The following PTBP3 variants were observed in gnomAD, a reference collection of about 807,000 sequenced individuals.
The protein encoded by PTBP3 is polypyrimidine tract-binding protein 3.
In PTBP3, 20 loss-of-function variants were observed where a neutral mutation model predicts 58.7. The ratio of observed to expected loss-of-function variants is 0.34; its 90% CI spans 0.24 to 0.50. The LOEUF (loss-of-function observed/expected upper bound fraction) is 0.50, where lower values mean the gene tolerates loss of function less well. Among genes scored for constraint, PTBP3 ranks in the 20% least tolerant of loss-of-function variants. PTBP3 has a pLI of 0.98. For missense variants in PTBP3, 509 were observed against 637.2 expected (o/e 0.80, Z 2.17); for synonymous variants, 185 against 219.8 (o/e 0.84, Z 1.40).
the PTBP3 span, among the ~76,000 whole-genome samples, chr9:112,363,560 A>ACACAC: frequency 7.3e-5 from 7 of 95,816 alleles, no homozygotes; most frequent in South Asian, 4.6e-4. Context: ...ACACACACAC[A>ACACAC]AAGGCTATTC....
chr9:112,256,885 T>C (rs1836390982), intron 5 of PTBP3, among the ~76,000 whole-genome samples: 1 of 151,892 alleles, frequency 6.6e-6, no homozygotes, highest in African/African-American at 2.4e-5. Context: ...AAAAAAATAC[T>C]TATTTTCACC....
intron 1 of PTBP3, among the ~76,000 whole-genome samples, chr9:112,313,069 CA>C (rs1391264551): frequency 6.6e-6 from 1 of 151,900 alleles, no homozygotes; most frequent in Non-Finnish European, 1.5e-5. Context: ...AAAGGAAAAT[CA>C]AAGTACATAT....
the PTBP3 span, among the ~76,000 whole-genome samples, chr9:112,352,484 G>A: frequency 6.6e-6 from 1 of 152,270 alleles, no homozygotes; most frequent in South Asian, 2.1e-4. Context: ...TCATGGGTCA[G>A]CAAACTGAGT....
At chr9:112,242,627 T>G (rs1186639868) in intron 7 of PTBP3, 1 of 152,216 alleles carries the variant, frequency 6.6e-6, no homozygotes, top group African/African-American at 2.4e-5. Flanking sequence ...CTGATCTACA[T>G]GGGAGTTTTG....
rs1437223576 is a variant in PTBP3, at chr9:112,272,254, A to G, written c.204+3590T>C. On this transcript the variant is annotated intron_variant, in intron 3 of 13. Coordinates refer to ENST00000374257, the MANE Select transcript of PTBP3 (RefSeq NM_001163788.4). ...ATTTTTTACAATTTTTGTAGCAATG[A>G]GGTCTCACTATACTGCCCAGGCTGG... Among the ~76,000 whole-genome samples, 4 of 151,930 alleles carry G rather than the reference A, an allele frequency of 2.6e-5. No individual in the cohort carries two copies. The East Asian group carries it at 7.7e-4, about 29-fold the overall frequency.
chr9:112,356,579 A>G, the PTBP3 span, among the ~76,000 whole-genome samples: 1 of 23,830 alleles, frequency 4.2e-5, no homozygotes, highest in South Asian at 2.3e-3. Flanking sequence ...AAAGCAACAG[A>G]GCAAAAAAAA....
chr9:112,371,646 ATTTT>A, the PTBP3 span, among the ~76,000 whole-genome samples: 157 of 127,544 alleles, frequency 1.2e-3, no homozygotes, highest in Middle Eastern at 8.5e-3. Context: ...TTTTTAGTAG[ATTTT>A]TTTTTTTTTT....
At chr9:112,319,059 G>A (rs1182364908) in intron 1 of PTBP3, among the ~76,000 whole-genome samples, 5 of 150,414 alleles carry the variant, frequency 3.3e-5, no homozygotes, top group East Asian at 1.9e-4. Flanking sequence ...CCTGGGAGGC[G>A]GAGGTTGCAG....
the PTBP3 span, among the ~76,000 whole-genome samples, chr9:112,367,009 G>T: frequency 1.3e-5 from 2 of 152,282 alleles, no homozygotes; most frequent in South Asian, 2.1e-4. Flanking sequence ...GGAGCTTTAA[G>T]ATTTGACTGC....
chr9:112,329,102 A>T (rs538939410), intron 1 of PTBP3, among the ~76,000 whole-genome samples: 22 of 152,298 alleles, frequency 1.4e-4, no homozygotes, highest in African/African-American at 5.3e-4. Context: ...CTGTTTACTT[A>T]ATTTATATTT....
intron 1 of PTBP3, among the ~76,000 whole-genome samples, chr9:112,305,271 T>C (rs903341474): frequency 6.6e-6 from 1 of 151,904 alleles, no homozygotes; most frequent in Non-Finnish European, 1.5e-5. Context: ...TTTTTTTTTT[T>C]TTTTTTCTGC....
chr9:112,266,045 T>C (rs1471928742), intron 4 of PTBP3, among the ~76,000 whole-genome samples: 4 of 152,182 alleles, frequency 2.6e-5, no homozygotes, highest in Non-Finnish European at 5.9e-5. Flanking sequence ...GCTTTGACCA[T>C]GTATTTAAAA....
intron 3 of PTBP3, among the ~76,000 whole-genome samples, chr9:112,270,239 C>A (rs185494730): frequency 1.3e-5 from 2 of 152,058 alleles, no homozygotes; most frequent in Non-Finnish European, 1.5e-5. Flanking sequence ...AATCCTTCTC[C>A]GTACTCAATG....
rs41280169 is a variant in PTBP3, at chr9:112,220,657, C to T, written c.*3194G>A. The T allele has an allele frequency of 0.05, 48,965 of 987,630 alleles. 1,282 individuals are homozygous for T. Among genetic ancestry groups the T allele is most frequent in the Non-Finnish European group, 0.055 (45,809 of 831,008 alleles). 61.2% of individuals were successfully genotyped at this position (987,630 alleles called of 1,614,324 possible). On this transcript the variant is annotated 3_prime_UTR_variant, in exon 14 of 14. Transcript: ENST00000374257. ...GCTGCTGGGTAATTCTGATACTCTC[C>T]AGTAAGTATCAATTAAGATACTGGG...
chr9:112,298,520 T>C (rs754887864), intron 1 of PTBP3: 1 of 505,986 alleles, frequency 2.0e-6, no homozygotes. Context: ...AGTCTTTTCA[T>C]TGTAATGTAA....
chr9:112,340,859 A>G, the PTBP3 span, among the ~76,000 whole-genome samples: 1 of 145,810 alleles, frequency 6.9e-6, no homozygotes, highest in Non-Finnish European at 1.5e-5. Flanking sequence ...TTGGGCAACA[A>G]GAGCGAAACT....
At chr9:112,290,695 T>TAC (rs1335488388) in intron 2 of PTBP3, among the ~76,000 whole-genome samples, 3 of 76,854 alleles carry the variant, frequency 3.9e-5, no homozygotes, top group Non-Finnish European at 7.0e-5. Context: ...AAAATATATA[T>TAC]ATATATATAT....
chr9:112,299,098 A>G (rs1828808858), intron 1 of PTBP3, among the ~76,000 whole-genome samples: 1 of 152,202 alleles, frequency 6.6e-6, no homozygotes, highest in Non-Finnish European at 1.5e-5. Flanking sequence ...AGATAAAGAC[A>G]CATTTTCACA....
intron 7 of PTBP3, among the ~76,000 whole-genome samples, chr9:112,235,886 G>A (rs1835420083): frequency 6.6e-6 from 1 of 152,044 alleles, no homozygotes; most frequent in Non-Finnish European, 1.5e-5. Flanking sequence ...AAAGAAACAA[G>A]GAATTATAGT....
Sources: allele counts gnomAD v4.1 joint callset (sites outside exome capture counted in the v4.1 genomes callset), GRCh38; gene constraint gnomAD v4.1.1; transcripts MANE v1.5; gene names NCBI Gene and HGNC (gene_info 2026-07-23, HGNC 2026-07-21).